The following AFF2 variants were observed in gnomAD, a reference collection of about 807,000 sequenced individuals.
AFF2 encodes the protein ALF transcription elongation factor 2.
Under a neutral mutation model 76.9 loss-of-function variants are expected in AFF2, and 14 were observed. The ratio of observed to expected loss-of-function variants is 0.18; its 90% CI spans 0.12 to 0.28. The LOEUF (loss-of-function observed/expected upper bound fraction) is 0.28. Ranked by LOEUF, AFF2 falls within the 10% of genes least tolerant of loss-of-function variation. The probability of loss-of-function intolerance (pLI) is 1.00; values close to 1 mark genes in which losing one functional copy is unlikely to be tolerated. For synonymous variants in AFF2, 398 were observed against 366.7 expected (o/e 1.09, Z -0.98); for missense variants, 868 against 1,001.1 (o/e 0.87, Z 1.79).
intron 8 of AFF2, among the ~76,000 whole-genome samples, chrX:148,898,261 G>A (rs781925650): frequency 1.9e-3 from 217 of 112,092 alleles, no homozygotes; most frequent in Non-Finnish European, 3.3e-3. Context: ...TGTTCAACTG[G>A]CTGTGGCAGG....
intron 3 of AFF2, among the ~76,000 whole-genome samples, chrX:148,674,712 C>T (rs1427780808): frequency 2.7e-5 from 3 of 111,992 alleles, no homozygotes; most frequent in Non-Finnish European, 3.8e-5. Flanking sequence ...CAGTCTTGGA[C>T]TCAGAATCAC....
intron 7 of AFF2, among the ~76,000 whole-genome samples, chrX:148,871,640 G>A (rs1468548436): frequency 9.0e-6 from 1 of 111,496 alleles, no homozygotes; most frequent in Non-Finnish European, 1.9e-5. Flanking sequence ...TGCGAATGGG[G>A]GCAGGTGATT....
At chrX:148,787,807 T>C (rs2069841189) in intron 3 of AFF2, among the ~76,000 whole-genome samples, 1 of 112,007 alleles carries the variant, frequency 8.9e-6, no homozygotes, top group African/African-American at 3.2e-5. Context: ...TATAGATACG[T>C]ATATTTGTCA....
chrX:148,729,173 C>A (rs782195643), intron 3 of AFF2, among the ~76,000 whole-genome samples: 4 of 111,912 alleles, frequency 3.6e-5, no homozygotes, highest in Non-Finnish European at 7.5e-5. Flanking sequence ...GAAATGTAAA[C>A]AAGACAGAAT....
chrX:148,545,837 G>T (rs781936458), intron 1 of AFF2, among the ~76,000 whole-genome samples: 1 of 111,248 alleles, frequency 9.0e-6, no homozygotes, highest in Admixed American at 9.5e-5. Context: ...CTGGGGTGGG[G>T]CTTGAGAATG....
intron 3 of AFF2, among the ~76,000 whole-genome samples, chrX:148,758,286 A>G (rs1395694014): frequency 4.4e-5 from 5 of 112,724 alleles, no homozygotes; most frequent in African/African-American, 1.6e-4. Flanking sequence ...GGTTATTTGA[A>G]ACAACATGAT....
At chrX:148,884,042 A>G (rs2071128371) in intron 7 of AFF2, among the ~76,000 whole-genome samples, 1 of 111,743 alleles carries the variant, frequency 8.9e-6, no homozygotes, top group South Asian at 3.7e-4. Flanking sequence ...AAGCATAGGT[A>G]GTTTGTAAAT....
intron 7 of AFF2, among the ~76,000 whole-genome samples, chrX:148,865,915 C>A (rs1427480328): frequency 1.8e-5 from 2 of 111,679 alleles, no homozygotes; most frequent in Non-Finnish European, 3.8e-5. Context: ...TAGCAGGGAC[C>A]AAAATGAATT....
In AFF2 at chrX:148,500,637, T is replaced by TGCCGCAGCCGCTGCCGCCGCCGCCGCC. The variant is rs2052327071; in HGVS notation, c.-456_-455insAGCCGCTGCCGCCGCCGCCGCCGCCGC. 1.4e-5 allele frequency: 1 copy of TGCCGCAGCCGCTGCCGCCGCCGCCGCC among 73,753 alleles called. No homozygotes were observed. The highest frequency in any genetic ancestry group is 5.0e-4 in the East Asian group (1 of 2,005). 6.1% of individuals were successfully genotyped at this position (73,753 alleles called of 1,213,427 possible). On this transcript the variant is annotated 5_prime_UTR_variant, in exon 1 of 21. Transcript: ENST00000370460. ...CCGCCGCCGCCGCCTGTGCAGCCGC[T>TGCCGCAGCCGCTGCCGCCGCCGCCGCC]GCCGCCGCCGCCGCCGCCGCCGCCG...
Position 148,809,885 on chromosome X carries a change from C to T in AFF2, c.1051C>T (p.Pro351Ser). Residue 351 changes from proline (P) to serine (S), a missense_variant, in exon 4 of 21, where the codon CCC becomes TCC. Pro to Ser is a moderately conservative substitution (Grantham distance 74, BLOSUM62 -1). This residue lies in a region of AFF2 where 532 missense variants were observed against 564.2 expected (regional missense o/e 0.94). Coordinates refer to ENST00000370460, the MANE Select transcript of AFF2 (RefSeq NM_002025.4). ...GTTTATTTTGTTTCAGGTAAGCCTTCCCAGTGATCCAAGCTGTGTTGAAGA... is the reference window on the plus strand; with the variant it reads ...GTTTATTTTGTTTCAGGTAAGCCTTTCCAGTGATCCAAGCTGTGTTGAAGA... ...TILQTSEVSL[P>S]SDPSCVEEIL... 1 of 1,210,652 alleles carries T rather than the reference C, an allele frequency of 8.3e-7. No individual in the cohort carries two copies.
intron 3 of AFF2, among the ~76,000 whole-genome samples, chrX:148,754,423 G>A (rs1368093704): frequency 9.2e-6 from 1 of 109,153 alleles, no homozygotes; most frequent in Non-Finnish European, 1.9e-5. Context: ...GCTGATAACT[G>A]TTTTCTTCCC....
intron 1 of AFF2, among the ~76,000 whole-genome samples, chrX:148,562,963 T>A (rs2053130518): frequency 8.9e-6 from 1 of 112,136 alleles, no homozygotes; most frequent in African/African-American, 3.2e-5. Context: ...AACAGGTTCC[T>A]GTAATGCAGT....
At chrX:148,880,370 G>A (rs1441897409) in intron 7 of AFF2, among the ~76,000 whole-genome samples, 2 of 111,474 alleles carry the variant, frequency 1.8e-5, no homozygotes, top group African/African-American at 6.5e-5. Context: ...CAAAGCACTA[G>A]ATAGGAAAAT....
At chrX:148,898,968 G>T (rs185322664) in intron 8 of AFF2, among the ~76,000 whole-genome samples, 1 of 112,234 alleles carries the variant, frequency 8.9e-6, no homozygotes, top group East Asian at 2.8e-4. Context: ...GTGATCTAAA[G>T]ATAGGTAACA....
At chrX:148,915,925 A>C (rs1241983687) in intron 9 of AFF2, among the ~76,000 whole-genome samples, 1 of 112,510 alleles carries the variant, frequency 8.9e-6, no homozygotes, top group Non-Finnish European at 1.9e-5. Context: ...GAATGTTTAA[A>C]GAAAACAGAA....
intron 3 of AFF2, among the ~76,000 whole-genome samples, chrX:148,794,022 T>C (rs192952662): frequency 7.1e-5 from 8 of 112,372 alleles, no homozygotes; most frequent in Non-Finnish European, 1.1e-4. Flanking sequence ...CCCCTCCCTG[T>C]CTTCCAACAG....
chrX:148,867,113 G>A (rs1447535537), intron 7 of AFF2, among the ~76,000 whole-genome samples: 1 of 112,445 alleles, frequency 8.9e-6, no homozygotes, highest in Non-Finnish European at 1.9e-5. Flanking sequence ...AAGAGAACAA[G>A]TGGGATGGTG....
chrX:148,875,720 A>G (rs1354411910), intron 7 of AFF2, among the ~76,000 whole-genome samples: 1 of 111,227 alleles, frequency 9.0e-6, no homozygotes, highest in Non-Finnish European at 1.9e-5. Context: ...GCTGTTAAAG[A>G]GTTTGGGTGA....
At chrX:148,650,337 A>G (rs1557256180) in intron 1 of AFF2, among the ~76,000 whole-genome samples, 2 of 111,299 alleles carry the variant, frequency 1.8e-5, no homozygotes, top group Admixed American at 1.9e-4. Flanking sequence ...TCTAATACCT[A>G]TGGAGGGCAT....
Sources: gnomAD v4.1 joint callset for allele counts (sites outside exome capture counted in the v4.1 genomes callset) on GRCh38, gnomAD v4.1.1 for gene constraint, gnomAD v4.1.1 regional missense constraint, MANE v1.5 for transcripts, NCBI Gene and HGNC (gene_info 2026-07-23, HGNC 2026-07-21) for gene names.